The following F11 variants were observed in gnomAD, a reference collection of about 807,000 sequenced individuals.
F11 encodes the protein coagulation factor XI.
Under a neutral mutation model 76.5 loss-of-function variants are expected in F11, and 78 were observed. That is an observed-to-expected ratio of 1.02 (90% CI 0.85 to 1.23). F11 has a LOEUF of 1.23. Among genes scored for constraint, F11 ranks in the 50% most tolerant of loss-of-function variants. F11 has a pLI of 0.00. For missense variants in F11, 742 were observed against 771.4 expected, an observed-to-expected ratio of 0.96 and a Z score of 0.45; for synonymous variants, 278 against 276.3, an observed-to-expected ratio of 1.01 and a Z score of -0.06.
chr4:186,274,890 A>C (rs907168296), intron 5 of F11: 2 of 175,196 alleles, frequency 1.1e-5, no homozygotes, highest in Non-Finnish European at 2.5e-5. Flanking sequence ...ATTTATCTGG[A>C]ATCAACAGAA....
At chr4:186,277,461 TG>T (rs1312613555) in intron 7 of F11, among the ~76,000 whole-genome samples, 1 of 152,184 alleles carries the variant, frequency 6.6e-6, no homozygotes, top group Non-Finnish European at 1.5e-5. Context: ...GTCTCCACCT[TG>T]GCAAAGGGGC....
In F11 at chr4:186,276,214, G is replaced by C. The variant is rs1422198816; in HGVS notation, c.596-17G>C. ...GCTGGTGAATTGAGTCCCTGACATA[G>C]TTCTTCCGTCGCGCAGCTTGTATTA... On this transcript the variant is annotated splice_polypyrimidine_tract_variant and intron_variant, in intron 6 of 14. Transcript: ENST00000403665. 1.9e-6 allele frequency: 3 copies of C among 1,613,948 alleles called. No individual in the cohort carries two copies. Among genetic ancestry groups the C allele is most frequent in the Non-Finnish European group, 2.5e-6 (3 of 1,180,012 alleles).
chr4:186,288,398 G>C (rs1000973782), intron 14 of F11, 55 bp from the exon 15 acceptor site: 5 of 1,611,210 alleles, frequency 3.1e-6, no homozygotes, highest in Non-Finnish European at 4.2e-6. Context: ...ATGTGCTGAA[G>C]ATGGGAAGCG....
In F11 at chr4:186,288,452, G is replaced by C; in HGVS notation, c.1717-1G>C. Reference sequence around the variant, plus strand: ...CCTTTTCTTGTCTCCCCTCGTTCTAGGGAGATTCGGGAGGCCCTCTGTCCT... The same window carrying C: ...CCTTTTCTTGTCTCCCCTCGTTCTACGGAGATTCGGGAGGCCCTCTGTCCT... On this transcript the variant is annotated splice_acceptor_variant, in intron 14 of 14. Transcript: ENST00000403665. LOFTEE classifies it high-confidence loss of function. 1 of 1,614,058 alleles carries C rather than the reference G, an allele frequency of 6.2e-7. No homozygotes were observed. Among genetic ancestry groups the C allele is most frequent in the Non-Finnish European group, 8.5e-7 (1 of 1,179,950 alleles).
At chr4:186,285,190 C>T (rs572678515) in intron 11 of F11, among the ~76,000 whole-genome samples, 1 of 152,220 alleles carries the variant, frequency 6.6e-6, no homozygotes, top group East Asian at 1.9e-4. Context: ...GCAGCACACT[C>T]ATGTTAAACT....
At position 186,286,429 on chromosome 4, in the gene F11, A is replaced by G. The variant is rs1361625528; in HGVS notation, c.1495A>G (p.Ile499Val). Residue 499 changes from isoleucine to valine, a missense_variant, in exon 13 of 15, where the codon ATA (isoleucine) becomes GTA (valine). By Grantham distance (29) the Ile-to-Val change is conservative (BLOSUM62 3). Coordinates refer to ENST00000403665, the MANE Select transcript of F11 (RefSeq NM_000128.4). ...TTTAAATTTAGATTCTCAACGACCC[A>G]TATGCCTGCCTTCCAAAGGAGATAG... ...TVNYTDSQRP[I>V]CLPSKGDRNV... 1.2e-6 allele frequency: 2 copies of G among 1,613,882 alleles called. No homozygotes were observed. Among genetic ancestry groups the G allele is most frequent in the Non-Finnish European group, 8.5e-7 (1 of 1,179,924 alleles).
chr4:186,283,990 C>G, intron 10 of F11, 102 bp from the exon 11 acceptor site: 1 of 1,578,476 alleles, frequency 6.3e-7, no homozygotes, highest in South Asian at 1.1e-5. Context: ...TCATGATAAA[C>G]TATTGACTTG....
At position 186,271,600 on chromosome 4, in the gene F11, A is replaced by G. The variant is rs746398473; in HGVS notation, c.56-9A>G. The G allele has an allele frequency of 6.2e-7, 1 of 1,614,130 alleles. No individual in the cohort carries two copies. The highest frequency in any genetic ancestry group is 8.5e-7 in the Non-Finnish European group (1 of 1,179,960). ...TCCAACATAACGCATGCCATGTACT[A>G]CATCACAGAATGTGTGACTCAGTTG... On this transcript the variant is annotated splice_polypyrimidine_tract_variant and intron_variant, in intron 2 of 14. Transcript: ENST00000403665.
In F11 at chr4:186,271,626, T is replaced by A; in HGVS notation, c.73T>A (p.Leu25Met). 1 of 1,614,164 alleles carries A rather than the reference T, an allele frequency of 6.2e-7. No homozygotes were observed. The highest frequency in any genetic ancestry group is 8.5e-7 in the Non-Finnish European group (1 of 1,180,020). ...SVSGECVTQL[L>M]KDTCFEGGDI... ...CATCACAGAATGTGTGACTCAGTTG[T>A]TGAAGGACACCTGCTTTGAAGGAGG... The change falls in exon 3 of 15, where the codon TTG becomes ATG. Residue 25 changes from leucine (L) to methionine (M), a missense_variant. Coordinates refer to ENST00000403665, the MANE Select transcript of F11 (RefSeq NM_000128.4).
chr4:186,288,713 C>T lies in F11; in HGVS notation c.*99C>T, dbSNP rs1741396628. On this transcript the variant is annotated 3_prime_UTR_variant, in exon 15 of 15. Coordinates refer to ENST00000403665, the MANE Select transcript of F11 (RefSeq NM_000128.4). ...CCAGCATGCTTCCTCCACAGTAACA[C>T]GCTGAAGGGGCTTGGTGTTTGTAAG... is the stretch of plus-strand genomic sequence containing the variant. 3.8e-6 allele frequency: 5 copies of T among 1,304,218 alleles called. No homozygotes were observed. Among genetic ancestry groups the T allele is most frequent in the East Asian group, 2.5e-5 (1 of 39,942 alleles). 80.8% of individuals were successfully genotyped at this position (1,304,218 alleles called of 1,614,324 possible). A position where few individuals can be genotyped will look rare whatever the true frequency, so the allele number is the denominator to read the frequency against.
rs377739025 is a variant in F11, at chr4:186,287,830, G to A, written c.1716+7G>A. The A allele has an allele frequency of 1.2e-5, 19 of 1,611,454 alleles. No homozygotes were observed. The African/African-American group carries it at 2.5e-4, about 22-fold the overall frequency. On this transcript the variant is annotated splice_region_variant and intron_variant, in intron 14 of 14. Transcript: ENST00000403665. ...AGGGAAGGACGCTTGCAAGGTAACA[G>A]AGTGTTCTTAGCCAATGGAATATAT...
intron 11 of F11, 136 bp downstream of exon 11, chr4:186,284,396 A>G: frequency 2.2e-6 from 2 of 921,456 alleles, no homozygotes; most frequent in South Asian, 3.1e-5. Context: ...TTCAGTGGTA[A>G]AAAACGCAAA....
intron 6 of F11, 81 bp from the exon 7 acceptor site, chr4:186,276,150 A>AT (rs1740358844): frequency 6.6e-7 from 1 of 1,522,772 alleles, no homozygotes; most frequent in Non-Finnish European, 9.0e-7. Context: ...ATTTTTTAAT[A>AT]TGGAATTTAC....
chr4:186,285,617 C>T, intron 11 of F11, 21 bp from the exon 12 acceptor site: 1 of 1,612,664 alleles, frequency 6.2e-7, no homozygotes, highest in Non-Finnish European at 8.5e-7. Context: ...AATTTCTTTC[C>T]CTCTGTTGTT....
intron 2 of F11, 57 bp downstream of exon 2, chr4:186,267,248 C>A: frequency 1.9e-6 from 2 of 1,029,572 alleles, no homozygotes; most frequent in Non-Finnish European, 3.1e-6. Flanking sequence ...ACTGCAATCT[C>A]CACACATGTG....
chr4:186,287,845 A>G lies in F11; in HGVS notation c.1716+22A>G, dbSNP rs753220126. 25 of 1,607,390 alleles carry G rather than the reference A, an allele frequency of 1.6e-5. No individual in the cohort carries two copies. The East Asian group carries it at 3.4e-4, about 22-fold the overall frequency. On this transcript the variant is annotated intron_variant, in intron 14 of 14. Coordinates refer to ENST00000403665, the MANE Select transcript of F11 (RefSeq NM_000128.4). ...CAAGGTAACAGAGTGTTCTTAGCCA[A>G]TGGAATATATGCAAATTGGAATGCT...
Position 186,287,703 on chromosome 4 carries a change from C to A in F11, c.1596C>A (p.Leu532=). Reference sequence around the variant, plus strand: ...TTTCAGACAAAATACAAAATACTCTCCAGAAAGCCAAGATACCCTTAGTGA... The same window carrying A: ...TTTCAGACAAAATACAAAATACTCTACAGAAAGCCAAGATACCCTTAGTGA... ...RKLRDKIQNT[L]QKAKIPLVTN... The change falls in exon 14 of 15, where the codon CTC becomes CTA. Residue 532 remains leucine, a synonymous_variant. Transcript: ENST00000403665. 1 of 1,612,670 alleles carries A rather than the reference C, an allele frequency of 6.2e-7. No individual in the cohort carries two copies. Among genetic ancestry groups the A allele is most frequent in the Non-Finnish European group, 8.5e-7 (1 of 1,179,298 alleles).
chr4:186,282,725 C>G (rs1250714388), intron 10 of F11: 1 of 985,206 alleles, frequency 1.0e-6, no homozygotes, highest in African/African-American at 1.7e-5. Context: ...GATGGCCCTC[C>G]AAAATGAATG....
chr4:186,276,047 C>T (rs974765588), intron 6 of F11, 151 bp downstream of exon 6: 2 of 916,448 alleles, frequency 2.2e-6, no homozygotes, highest in Admixed American at 2.2e-5. Context: ...ATGTCCTATA[C>T]AGTTAGATCC....
Sources: allele counts gnomAD v4.1 joint callset (sites outside exome capture counted in the v4.1 genomes callset), GRCh38; gene constraint gnomAD v4.1.1; transcripts MANE v1.5; gene names NCBI Gene and HGNC (gene_info 2026-07-23, HGNC 2026-07-21).